NRXN3: variants seen among roughly 807,000 people sequenced by gnomAD.
The protein encoded by NRXN3 is neurexin 3, also known as neurexin III.
Under a neutral mutation model 137.6 loss-of-function variants are expected in NRXN3, and 32 were observed. The observed-to-expected ratio is 0.23, with a 90% CI of 0.18 to 0.31. NRXN3 has a LOEUF of 0.31. Among genes scored for constraint, NRXN3 ranks in the 10% least tolerant of loss-of-function variants. NRXN3 has a pLI of 1.00. For missense variants in NRXN3, 1,574 were observed against 2,062.5 expected, an observed-to-expected ratio of 0.76 and a Z score of 4.59; for synonymous variants, 798 against 784.5, an observed-to-expected ratio of 1.02 and a Z score of -0.29.
chr14:78,202,364 G>C (rs909396618), intron 1 of NRXN3, among the ~76,000 whole-genome samples: 1 of 152,236 alleles, frequency 6.6e-6, no homozygotes, highest in Admixed American at 6.5e-5. Context: ...GTCGGTTAAA[G>C]ATGTGGCAGC....
intron 16 of NRXN3, among the ~76,000 whole-genome samples, chr14:79,566,895 C>T (rs997336835): frequency 9.2e-5 from 14 of 152,082 alleles, no homozygotes; most frequent in South Asian, 4.2e-4. Context: ...ACAGTAATTT[C>T]GTTTAATTGA....
chr14:79,683,581 T>G (rs1375474677), intron 17 of NRXN3, among the ~76,000 whole-genome samples: 3 of 152,110 alleles, frequency 2.0e-5, no homozygotes, highest in Admixed American at 6.6e-5. Flanking sequence ...AAAGTAAAAT[T>G]TATTATCTCA....
Position 79,514,107 on chromosome 14 carries a change from T to C in NRXN3, c.3444+46705T>C, listed in dbSNP as rs1397787037. ...GAATCAGGAAAGATTAAATAAGGAGTTGAGTAGAAACATATATAGATATGT... is the reference window on the plus strand; with the variant it reads ...GAATCAGGAAAGATTAAATAAGGAGCTGAGTAGAAACATATATAGATATGT... On this transcript the variant is annotated intron_variant, in intron 16 of 20. Coordinates refer to ENST00000335750, the MANE Select transcript of NRXN3 (RefSeq NM_001330195.2). Among the ~76,000 whole-genome samples, 12 of 151,938 alleles carry C rather than the reference T, an allele frequency of 7.9e-5. No individual in the cohort carries two copies. The South Asian group carries it at 2.5e-3, about 32-fold the overall frequency.
intron 4 of NRXN3, among the ~76,000 whole-genome samples, chr14:78,438,028 T>C (rs2094129871): frequency 6.6e-6 from 1 of 151,964 alleles, no homozygotes; most frequent in Non-Finnish European, 1.5e-5. Flanking sequence ...TGGGGTGTGG[T>C]GATGGGGCTC....
At chr14:78,721,308 C>T (rs1258117543) in intron 8 of NRXN3, among the ~76,000 whole-genome samples, 1 of 152,134 alleles carries the variant, frequency 6.6e-6, no homozygotes, top group East Asian at 1.9e-4. Flanking sequence ...GTGCCCTCAT[C>T]CCTCGTAGGT....
intron 15 of NRXN3, among the ~76,000 whole-genome samples, chr14:79,081,292 A>G (rs1427961899): frequency 6.6e-6 from 1 of 152,206 alleles, no homozygotes; most frequent in Non-Finnish European, 1.5e-5. Context: ...CTGGCACTGC[A>G]CTAGTTAATG....
intron 16 of NRXN3, among the ~76,000 whole-genome samples, chr14:79,496,214 TTCTC>T (rs149328690): frequency 3.2e-4 from 47 of 144,702 alleles, no homozygotes; most frequent in South Asian, 1.3e-3. Flanking sequence ...TTGAACTTAA[TTCTC>T]TCTCTCTCTC....
At chr14:78,794,958 G>A (rs1027224646) in intron 8 of NRXN3, among the ~76,000 whole-genome samples, 6 of 151,942 alleles carry the variant, frequency 3.9e-5, no homozygotes, top group African/African-American at 7.2e-5. Context: ...GTAGCCAGGT[G>A]TGGTGGTGCT....
intron 6 of NRXN3, among the ~76,000 whole-genome samples, chr14:78,660,966 C>A (rs2097835435): frequency 6.6e-6 from 1 of 152,168 alleles, no homozygotes; most frequent in South Asian, 2.1e-4. Flanking sequence ...TGTATTAATT[C>A]AAATTTCCTG....
chr14:78,653,310 C>T (rs73328010), intron 6 of NRXN3, among the ~76,000 whole-genome samples: 1 of 152,240 alleles, frequency 6.6e-6, no homozygotes, highest in African/African-American at 2.4e-5. Flanking sequence ...GTCTAGTGAA[C>T]CCTGAAAGAC....
rs373389612 is a variant in NRXN3 at position 79,146,848 on chromosome 14, T to C, written c.3262+158707T>C. ...AGGCAGCCTTGGCCCTTATGAACTC[T>C]GGGGGAGGTTCCTCCCCCTACTCTT... On this transcript the variant is annotated intron_variant, in intron 15 of 20. Transcript: ENST00000335750. Among the ~76,000 whole-genome samples, 9 of 152,250 alleles carry C rather than the reference T, an allele frequency of 5.9e-5. No individual in the cohort carries two copies. In the East Asian group the frequency reaches 1.6e-3, roughly 26 times the overall value.
At chr14:78,375,960 C>A (rs1296434833) in intron 4 of NRXN3, among the ~76,000 whole-genome samples, 2 of 151,276 alleles carry the variant, frequency 1.3e-5, no homozygotes, top group Non-Finnish European at 2.9e-5. Context: ...AGTGAAAATT[C>A]TTTTTTTAAA....
At chr14:79,327,145 A>G (rs1353580498) in intron 15 of NRXN3, among the ~76,000 whole-genome samples, 1 of 152,066 alleles carries the variant, frequency 6.6e-6, no homozygotes, top group African/African-American at 2.4e-5. Flanking sequence ...AGTAGGCATT[A>G]TAAGCTGAGT....
intron 17 of NRXN3, among the ~76,000 whole-genome samples, chr14:79,668,588 C>A (rs981334208): frequency 6.6e-6 from 1 of 152,086 alleles, no homozygotes; most frequent in African/African-American, 2.4e-5. Flanking sequence ...GACAGTATTT[C>A]TTTTTGTAAA....
At chr14:79,834,110 C>T (rs1241586940) in intron 20 of NRXN3, among the ~76,000 whole-genome samples, 1 of 152,138 alleles carries the variant, frequency 6.6e-6, no homozygotes, top group African/African-American at 2.4e-5. Flanking sequence ...ACTATATAGA[C>T]AGACTGGCAA....
At chr14:79,557,693 A>C (rs1315852026) in intron 16 of NRXN3, among the ~76,000 whole-genome samples, 1 of 152,168 alleles carries the variant, frequency 6.6e-6, no homozygotes, top group Non-Finnish European at 1.5e-5. Flanking sequence ...AGAGAGTCAT[A>C]ACCTTTTGGC....
intron 15 of NRXN3, among the ~76,000 whole-genome samples, chr14:79,383,204 G>A (rs1766423796): frequency 6.6e-6 from 1 of 152,098 alleles, no homozygotes; most frequent in Admixed American, 6.6e-5. Flanking sequence ...AACCTGCATG[G>A]GGTGTAGGGA....
At chr14:78,177,266 A>G (rs562921023) in intron 1 of NRXN3, among the ~76,000 whole-genome samples, 9 of 152,208 alleles carry the variant, frequency 5.9e-5, no homozygotes, top group South Asian at 2.1e-4. Flanking sequence ...GGGGGGCATG[A>G]TGTCATACAA....
chr14:78,738,403 C>T (rs2098550238), intron 8 of NRXN3, among the ~76,000 whole-genome samples: 1 of 152,180 alleles, frequency 6.6e-6, no homozygotes, highest in Admixed American at 6.5e-5. Flanking sequence ...CACTTCCAGC[C>T]TAGGTGGGGG....
Sources: gnomAD v4.1 joint callset for allele counts (sites outside exome capture counted in the v4.1 genomes callset) on GRCh38, gnomAD v4.1.1 for gene constraint, MANE v1.5 for transcripts, NCBI Gene and HGNC (gene_info 2026-07-23, HGNC 2026-07-21) for gene names.